Variants in VSNL1 observed in about 807,000 individuals in gnomAD.
VSNL1 encodes visinin-like protein 1.
A neutral mutation model predicts 20.4 loss-of-function variants in VSNL1; 6 were observed. The observed-to-expected ratio is 0.29, with a 90% CI of 0.16 to 0.58. The LOEUF is 0.58. VSNL1 is among the 20% of genes least tolerant of loss of function. The pLI is 0.90. For synonymous variants in VSNL1, 93 were observed against 86.4 expected, an observed-to-expected ratio of 1.08 and a Z score of -0.42; for missense variants, 100 against 234.5, an observed-to-expected ratio of 0.43 and a Z score of 3.75.
chr2:17,638,290 C>A (rs74771573), intron 2 of VSNL1, among the ~76,000 whole-genome samples: 1 of 152,160 alleles, frequency 6.6e-6, no homozygotes, highest in African/African-American at 2.4e-5. Context: ...GGATTGTTGG[C>A]GGATTACACA....
At chr2:17,645,021 T>G (rs1227151212) in intron 2 of VSNL1, among the ~76,000 whole-genome samples, 1 of 152,268 alleles carries the variant, frequency 6.6e-6, no homozygotes, top group Non-Finnish European at 1.5e-5. Flanking sequence ...CGGGATTGGA[T>G]GGCAGACCTC....
At chr2:17,623,521 T>C (rs1362755098) in intron 2 of VSNL1, among the ~76,000 whole-genome samples, 3 of 151,784 alleles carry the variant, frequency 2.0e-5, no homozygotes, top group African/African-American at 7.3e-5. Context: ...TACAAAAAAA[T>C]TAGCAGGGAG....
At chr2:17,592,321 C>A in intron 2 of VSNL1, 85 bp downstream of exon 2, 1 of 1,384,878 alleles carries the variant, frequency 7.2e-7, no homozygotes, top group Admixed American at 2.0e-5. Flanking sequence ...GGAATTATAA[C>A]TCTAAGTAGC....
rs894323499 is a variant in VSNL1 at position 17,634,131 on chromosome 2, G to A, written c.163-15279G>A. ...GAGTGTGGGGGAGAAGGTGGAGGAGGGCATCAAAGAGCGTGCAGTAGAGAG... is the reference window on the plus strand; with the variant it reads ...GAGTGTGGGGGAGAAGGTGGAGGAGAGCATCAAAGAGCGTGCAGTAGAGAG... On this transcript the variant is annotated intron_variant, in intron 2 of 3. Transcript: ENST00000295156. The surrounding 1 kb of genome is among the most constrained non-coding windows in gnomAD (Gnocchi z 4.3). Among the ~76,000 whole-genome samples, 2 of 152,044 alleles carry A rather than the reference G, an allele frequency of 1.3e-5. No homozygotes were observed. Among genetic ancestry groups the A allele is most frequent in the South Asian group, 4.1e-4 (2 of 4,822 alleles).
intron 1 of VSNL1, among the ~76,000 whole-genome samples, chr2:17,559,258 A>G (rs1663756489): frequency 6.6e-6 from 1 of 152,220 alleles, no homozygotes; most frequent in African/African-American, 2.4e-5. Flanking sequence ...CTTGCTAAAA[A>G]TTAGGGGTTT....
intron 2 of VSNL1, among the ~76,000 whole-genome samples, chr2:17,635,145 AAGG>A (rs1665722887): frequency 6.6e-6 from 1 of 152,130 alleles, no homozygotes; most frequent in African/African-American, 2.4e-5. Context: ...AGGTGCCAAA[AAGG>A]AGGAGGAGAA....
chr2:17,562,043 T>G lies in VSNL1; in HGVS notation c.-6+21125T>G, dbSNP rs565072406. 1.1e-4 allele frequency among the ~76,000 whole-genome samples: 16 copies of G among 152,360 alleles called. No homozygotes were observed. The East Asian group carries it at 3.1e-3, about 29-fold the overall frequency. Reference sequence around the variant, plus strand: ...CTACTGAATTACCATTCAATTCCACTGAGGTTTCCTCAGGGCTACAGTTTT... The same window carrying G: ...CTACTGAATTACCATTCAATTCCACGGAGGTTTCCTCAGGGCTACAGTTTT... On this transcript the variant is annotated intron_variant, in intron 1 of 3. Coordinates refer to ENST00000295156, the MANE Select transcript of VSNL1 (RefSeq NM_003385.5).
At chr2:17,622,842 C>T (rs115787115) in intron 2 of VSNL1, among the ~76,000 whole-genome samples, 1,653 of 152,310 alleles carry the variant, frequency 0.011, 26 homozygotes, top group African/African-American at 0.038. Context: ...CACACAGGAA[C>T]AGGAGAGGCC....
intron 1 of VSNL1, among the ~76,000 whole-genome samples, chr2:17,570,869 A>T (rs1664064691): frequency 6.6e-6 from 1 of 151,942 alleles, no homozygotes; most frequent in Non-Finnish European, 1.5e-5. Context: ...TGATGGTGAA[A>T]CCCCAATTCT....
chr2:17,567,473 C>G (rs1663978530), intron 1 of VSNL1: 1 of 151,268 alleles, frequency 6.6e-6, no homozygotes, highest in East Asian at 1.9e-4. Context: ...ATTCTCCTGC[C>G]TCAGCCTCCG....
At chr2:17,561,087 C>T (rs1663802489) in intron 1 of VSNL1, among the ~76,000 whole-genome samples, 1 of 152,108 alleles carries the variant, frequency 6.6e-6, no homozygotes, top group Non-Finnish European at 1.5e-5. Flanking sequence ...GTGTCAAGCC[C>T]TCTACTGGAA....
At chr2:17,637,581 C>T (rs1231445691) in intron 2 of VSNL1, among the ~76,000 whole-genome samples, 1 of 152,222 alleles carries the variant, frequency 6.6e-6, no homozygotes, top group Non-Finnish European at 1.5e-5. Flanking sequence ...CTTCTCCAAC[C>T]TGCCTGGGCT....
rs1234598866 is a variant in VSNL1, at chr2:17,556,765, TTAC to T, written c.-6+15848_-6+15850del. 2.8e-4 allele frequency among the ~76,000 whole-genome samples: 43 copies of T among 152,290 alleles called. 1 individual carries two copies. The East Asian group carries it at 8.3e-3, about 29-fold the overall frequency. The stretch of plus-strand genomic sequence containing the variant: ...TTATTTTCAGAGCCCAGTTCTGTGC[TTAC>T]CATTCTATAGATTCTCAATATATAT... On this transcript the variant is annotated intron_variant, in intron 1 of 3. Coordinates refer to ENST00000295156, the MANE Select transcript of VSNL1 (RefSeq NM_003385.5).
At chr2:17,637,117 C>T (rs1665769664) in intron 2 of VSNL1, among the ~76,000 whole-genome samples, 1 of 152,166 alleles carries the variant, frequency 6.6e-6, no homozygotes, top group Non-Finnish European at 1.5e-5. Context: ...CCCAGCTCTT[C>T]CCCTCCCTTC....
At chr2:17,599,286 C>G (rs1439895429) in intron 2 of VSNL1, among the ~76,000 whole-genome samples, 1 of 152,132 alleles carries the variant, frequency 6.6e-6, no homozygotes, top group Non-Finnish European at 1.5e-5. Flanking sequence ...TCAAGCTAAT[C>G]CACAAAAGAA....
chr2:17,585,687 C>T (rs1478981291), intron 1 of VSNL1, among the ~76,000 whole-genome samples: 1 of 152,106 alleles, frequency 6.6e-6, no homozygotes. Flanking sequence ...TGGGAAAATT[C>T]ATCACCTTCC....
chr2:17,608,188 T>G (rs1664998749), intron 2 of VSNL1, among the ~76,000 whole-genome samples: 1 of 152,226 alleles, frequency 6.6e-6, no homozygotes, highest in South Asian at 2.1e-4. Context: ...TGATTTTCTT[T>G]TAGAAGAAAT....
At chr2:17,610,822 G>A (rs955453985) in intron 2 of VSNL1, among the ~76,000 whole-genome samples, 1 of 152,132 alleles carries the variant, frequency 6.6e-6, no homozygotes, top group South Asian at 2.1e-4. Flanking sequence ...GCCAGGCAAG[G>A]GCCACAGTTC....
intron 2 of VSNL1, among the ~76,000 whole-genome samples, chr2:17,643,983 T>C (rs1432309816): frequency 1.3e-5 from 2 of 152,180 alleles, no homozygotes; most frequent in African/African-American, 4.8e-5. Flanking sequence ...GGAAACAGTC[T>C]CGTTCCTTCT....
Sources: allele counts gnomAD v4.1 joint callset (sites outside exome capture counted in the v4.1 genomes callset), GRCh38; gene constraint gnomAD v4.1.1; non-coding constraint Gnocchi (gnomAD v3.1); transcripts MANE v1.5; gene names NCBI Gene and HGNC (gene_info 2026-07-23, HGNC 2026-07-21).